Variants in SP110 observed in about 807,000 individuals in gnomAD.
SP110 encodes the protein SP110 nuclear body protein.
SP110 carries 62 observed loss-of-function variants against 92.7 expected under a neutral mutation model. The observed-to-expected ratio is 0.67, with a 90% CI of 0.55 to 0.83. SP110 has a LOEUF of 0.83. Ranked by LOEUF, SP110 falls within the 40% of genes least tolerant of loss-of-function variation. SP110 has a pLI of 0.00. For missense variants in SP110, 793 were observed against 863.9 expected, an observed-to-expected ratio of 0.92 and a Z score of 1.03; for synonymous variants, 273 against 305.3, an observed-to-expected ratio of 0.89 and a Z score of 1.10.
At chr2:230,217,841 G>C in intron 1 of SP110, among the ~76,000 whole-genome samples, 1 of 152,196 alleles carries the variant, frequency 6.6e-6, no homozygotes, top group East Asian at 1.9e-4. Context: ...CCCTAAAATG[G>C]GTAGAGTTCA....
intron 18 of SP110, 44 bp from the exon 19 acceptor site, chr2:230,169,281 T>C: frequency 1.9e-6 from 2 of 1,076,494 alleles, no homozygotes; most frequent in Non-Finnish European, 2.9e-6. Context: ...GGATGAAGGA[T>C]TACAGCCATC....
chr2:230,211,618 A>G lies in SP110; in HGVS notation c.668-65T>C. The G allele has an allele frequency of 1.0e-6, 1 of 960,858 alleles. No homozygotes were observed. Among genetic ancestry groups the G allele is most frequent in the South Asian group, 1.3e-5 (1 of 77,852 alleles). The allele number at this position is 960,858 out of a possible 1,614,324, so 59.5% of individuals were successfully genotyped here. On this transcript the variant is annotated intron_variant, in intron 5 of 18. Coordinates refer to ENST00000258381, the MANE Select transcript of SP110 (RefSeq NM_080424.4). The surrounding 1 kb of genome is among the most constrained non-coding windows in gnomAD (Gnocchi z 4.2). ...CAAGCAGGGACCAGAATGAGGAGAA[A>G]AGAGAATGCTCTATTCCAACAAGTA... is the stretch of plus-strand genomic sequence containing the variant.
At position 230,172,077 on chromosome 2, in the gene SP110, G is replaced by T. The variant is rs1031552329; in HGVS notation, c.1804C>A (p.Gln602Lys). Residue 602 changes from glutamine to lysine, a missense_variant, in exon 16 of 19, where the codon CAG becomes AAG. Physicochemically the swap from Gln to Lys is moderately conservative, Grantham distance 53. Transcript: ENST00000258381. The stretch of plus-strand genomic sequence containing the variant: ...TGCATCCAACTCACCAGCTGGTCCT[G>T]AGGCTGCATCTGCCTCTCCAGGGTC... ...SKTLERQMQPQDQLKCEFLLL... is the reference protein window; with the variant it reads ...SKTLERQMQPKDQLKCEFLLL... 2.5e-6 allele frequency: 4 copies of T among 1,603,474 alleles called. No individual in the cohort carries two copies. The African/African-American group carries it at 5.4e-5, about 21-fold the overall frequency.
chr2:230,197,522 T>G (rs1413705208), intron 10 of SP110, among the ~76,000 whole-genome samples: 1 of 148,280 alleles, frequency 6.7e-6, no homozygotes, highest in Non-Finnish European at 1.5e-5. Context: ...TAGTTTCTTT[T>G]GCTGTGCAGA....
At position 230,219,908 on chromosome 2, in the gene SP110, AG is replaced by A. The variant is rs1361627502; in HGVS notation, c.-37del. Reference sequence around the variant, plus strand: ...GAGTTTGTCGTTCCTGCCCCTTTCCAGGGGCTGGGACAGGGATCACTCCTCA... The same window carrying A: ...GAGTTTGTCGTTCCTGCCCCTTTCCAGGGCTGGGACAGGGATCACTCCTCA... On this transcript the variant is annotated 5_prime_UTR_variant, in exon 1 of 19. Transcript: ENST00000258381. 54 of 985,262 alleles carry A rather than the reference AG, an allele frequency of 5.5e-5. No homozygotes were observed. Among genetic ancestry groups the A allele is most frequent in the Non-Finnish European group, 5.9e-5 (49 of 829,754 alleles). The allele number at this position is 985,262 out of a possible 1,614,324, so 61.0% of individuals were successfully genotyped here. A position where few individuals can be genotyped will look rare whatever the true frequency, so the allele number is the denominator to read the frequency against.
chr2:230,214,056 C>T (rs2044811065), intron 3 of SP110: 1 of 152,044 alleles, frequency 6.6e-6, no homozygotes, highest in Admixed American at 6.5e-5. Context: ...GCTGGTGGTC[C>T]TTTGCTTGTT....
intron 10 of SP110, among the ~76,000 whole-genome samples, chr2:230,193,836 A>G (rs941801555): frequency 3.3e-5 from 5 of 152,232 alleles, no homozygotes; most frequent in Admixed American, 3.3e-4. Context: ...AGTTGGGGCC[A>G]TTTTGGCAAG....
chr2:230,216,712 T>C, intron 2 of SP110, 69 bp downstream of exon 2: 1 of 1,590,322 alleles, frequency 6.3e-7, no homozygotes, highest in South Asian at 1.1e-5. Context: ...TGGTTTGTGG[T>C]TTGAGACTTT....
chr2:230,199,270 G>A (rs191116300), intron 10 of SP110, among the ~76,000 whole-genome samples: 8 of 131,794 alleles, frequency 6.1e-5, no homozygotes, highest in African/African-American at 1.7e-4. Flanking sequence ...GTGTAGTGGT[G>A]TGATCTTGGC....
At chr2:230,202,993 A>G (rs2043330547) in intron 8 of SP110, 1 of 500,780 alleles carries the variant, frequency 2.0e-6, no homozygotes, top group African/African-American at 1.9e-5. Flanking sequence ...GGGAAATCCT[A>G]GAGCTTATTT....
chr2:230,178,312 G>T, intron 12 of SP110, 57 bp from the exon 13 acceptor site: 1 of 988,476 alleles, frequency 1.0e-6, no homozygotes, highest in Non-Finnish European at 1.6e-6. Context: ...TCTTCCTTTT[G>T]AATTCTCCCC....
At position 230,212,335 on chromosome 2, in the gene SP110, A is replaced by G; in HGVS notation, c.667+12T>C. 6.3e-7 allele frequency: 1 copy of G among 1,594,322 alleles called. No homozygotes were observed. The highest frequency in any genetic ancestry group is 8.6e-7 in the Non-Finnish European group (1 of 1,161,972). ...CCTTGAGCTAAGCGGTATCAGCCCCAGTCAGTGTTACCTTGCACAGTGCTA... is the reference window on the plus strand; with the variant it reads ...CCTTGAGCTAAGCGGTATCAGCCCCGGTCAGTGTTACCTTGCACAGTGCTA... On this transcript the variant is annotated intron_variant, in intron 5 of 18. Coordinates refer to ENST00000258381, the MANE Select transcript of SP110 (RefSeq NM_080424.4).
chr2:230,225,397 G>A (rs1197325416), intron 1 of SP110: 1 of 268,696 alleles, frequency 3.7e-6, no homozygotes, highest in African/African-American at 2.3e-5. Context: ...TCCAGCCCAG[G>A]CTCACTAAGG....
At chr2:230,213,125 A>C in intron 3 of SP110, 98 bp from the exon 4 acceptor site, 1 of 1,192,486 alleles carries the variant, frequency 8.4e-7, no homozygotes, top group Non-Finnish European at 1.2e-6. Context: ...GGATGGGGGC[A>C]TGGAGCTATT....
At chr2:230,221,784 T>A, upstream of SP110, 1 of 1,475,388 alleles carries the variant, frequency 6.8e-7, no homozygotes, top group East Asian at 2.5e-5. Context: ...TTCCTTTAGA[T>A]CTATTCAGAG....
intron 4 of SP110, 114 bp downstream of exon 4, chr2:230,212,647 G>T: frequency 7.2e-7 from 1 of 1,387,782 alleles, no homozygotes; most frequent in Non-Finnish European, 1.0e-6. Flanking sequence ...TTGGGTAGAT[G>T]GGTGCAAGAG....
chr2:230,204,905 A>G (rs2043597923), intron 8 of SP110, among the ~76,000 whole-genome samples: 1 of 152,214 alleles, frequency 6.6e-6, no homozygotes. Context: ...CAAGGATCAA[A>G]GGGGAGAGAA....
At chr2:230,203,158 C>A in intron 8 of SP110, 1 of 224,480 alleles carries the variant, frequency 4.5e-6, no homozygotes, top group East Asian at 1.1e-4. Flanking sequence ...CTTCAGTGGG[C>A]AAAGTGCAAG....
intron 12 of SP110, among the ~76,000 whole-genome samples, chr2:230,180,430 T>G (rs1335965222): frequency 2.8e-5 from 4 of 145,032 alleles, no homozygotes; most frequent in Admixed American, 6.9e-5. Flanking sequence ...GAGGGGATGA[T>G]TGGGGGTGGA....
Sources: allele counts gnomAD v4.1 joint callset (sites outside exome capture counted in the v4.1 genomes callset), GRCh38; gene constraint gnomAD v4.1.1; non-coding constraint Gnocchi (gnomAD v3.1); transcripts MANE v1.5; gene names NCBI Gene and HGNC (gene_info 2026-07-23, HGNC 2026-07-21).